OR5T1: variants seen among roughly 807,000 people sequenced by gnomAD.
The protein encoded by OR5T1 is olfactory receptor family 5 subfamily T member 1, also known as olfactory receptor 5T1.
In OR5T1, 14 loss-of-function variants were observed where a neutral mutation model predicts 10.1. That is an observed-to-expected ratio of 1.39 (90% CI 0.92 to 2.18). The LOEUF is 2.18. Ranked by LOEUF, OR5T1 falls within the 30% of genes most tolerant of loss-of-function variation. OR5T1 has a pLI of 0.00. For missense variants in OR5T1, 461 were observed against 383.9 expected (o/e 1.20, Z -1.68); for synonymous variants, 166 against 141.2 (o/e 1.18, Z -1.24).
In OR5T1 at chr11:56,275,715, T is replaced by G. The variant is rs1325294997; in HGVS notation, c.77T>G (p.Leu26Ter). The stretch of plus-strand genomic sequence containing the variant: ...TTTACTGAAGTCACCATGTTTATAT[T>G]AATAAGCTTCACAGAAGAATTTGAT... Reference protein sequence around the residue: ...NNFTEVTMFILISFTEEFDVQ... With the variant: ...NNFTEVTMFI The change falls in exon 3 of 3, where the codon TTA (leucine) becomes TGA (stop). Residue 26 changes from leucine to a stop codon, truncating the protein, a stop_gained. Coordinates refer to ENST00000641665, the MANE Select transcript of OR5T1 (RefSeq NM_001004745.2). LOFTEE classifies it high-confidence loss of function. 2 of 1,609,176 alleles carry G rather than the reference T, an allele frequency of 1.2e-6. No homozygotes were observed. The highest frequency in any genetic ancestry group is 1.7e-6 in the Non-Finnish European group (2 of 1,175,960).
rs1175683570 is a variant in OR5T1 at position 56,276,382 on chromosome 11, A to G, written c.744A>G (p.Lys248=). 2.5e-6 allele frequency: 4 copies of G among 1,613,962 alleles called. No individual in the cohort carries two copies. The African/African-American group carries it at 5.3e-5, about 22-fold the overall frequency. The change falls in exon 3 of 3, where the codon AAA becomes AAG. Residue 248 remains lysine, a synonymous_variant. Coordinates refer to ENST00000641665, the MANE Select transcript of OR5T1 (RefSeq NM_001004745.2). ...TGCAGTCTGCTGAAGGGAGGAGAAA[A>G]GTCTTCTCTACATGTGGAGCTCACC... ...LKMQSAEGRR[K]VFSTCGAHLT...
Position 56,276,361 on chromosome 11 carries a change from G to A in OR5T1, c.723G>A (p.Gln241=). 1 of 1,614,124 alleles carries A rather than the reference G, an allele frequency of 6.2e-7. No individual in the cohort carries two copies. The highest frequency in any genetic ancestry group is 8.5e-7 in the Non-Finnish European group (1 of 1,180,022). ...GFILLAILKM[Q]SAEGRRKVFS... is the part of the protein sequence containing the mutation. ...TTCTGTTGGCCATTCTGAAGATGCAGTCTGCTGAAGGGAGGAGAAAAGTCT... is the reference window on the plus strand; with the variant it reads ...TTCTGTTGGCCATTCTGAAGATGCAATCTGCTGAAGGGAGGAGAAAAGTCT... Residue 241 remains glutamine, a synonymous_variant, in exon 3 of 3, where the codon CAG becomes CAA. Transcript: ENST00000641665.
Position 56,275,551 on chromosome 11 carries a change from C to G in OR5T1, c.-88C>G, listed in dbSNP as rs1034850551. On this transcript the variant is annotated 5_prime_UTR_variant, in exon 3 of 3. Transcript: ENST00000641665. Reference sequence around the variant, plus strand: ...ATTTGCTGACAAGGATTTCATCTTGCTTTTCCAAGAAACGAACATGAGGAT... The same window carrying G: ...ATTTGCTGACAAGGATTTCATCTTGGTTTTCCAAGAAACGAACATGAGGAT... The G allele has an allele frequency of 5.4e-6, 6 of 1,107,156 alleles. No homozygotes were observed. Among genetic ancestry groups the G allele is most frequent in the Non-Finnish European group, 7.7e-6 (6 of 777,882 alleles). 68.6% of individuals were successfully genotyped at this position (1,107,156 alleles called of 1,614,324 possible).
Position 56,276,519 on chromosome 11 carries a change from T to C in OR5T1, c.881T>C (p.Ile294Thr), listed in dbSNP as rs764686951. 2.5e-6 allele frequency: 4 copies of C among 1,613,936 alleles called. No homozygotes were observed. In the South Asian group the frequency reaches 3.3e-5, roughly 13 times the overall value. Residue 294 changes from isoleucine to threonine, a missense_variant, in exon 3 of 3, where the codon ATT becomes ACT. Coordinates refer to ENST00000641665, the MANE Select transcript of OR5T1 (RefSeq NM_001004745.2). ...GTGTCAATATTTTATACCATTGTGA[T>C]TCCCATGCTGAATCCCATCATCTAC... is the stretch of plus-strand genomic sequence containing the variant. The part of the protein sequence containing the change: ...MIVSIFYTIV[I>T]PMLNPIIYSL...
intron 1 of OR5T1, 114 bp from the exon 2 acceptor site, chr11:56,274,522 A>G (rs964107342): frequency 6.6e-6 from 1 of 152,214 alleles, no homozygotes; most frequent in Non-Finnish European, 1.5e-5. Context: ...TAATGACCAA[A>G]TGATCATATA....
chr11:56,275,315 C>A (rs1255899242), intron 2 of OR5T1, among the ~76,000 whole-genome samples, 171 bp from the exon 3 acceptor site: 1 of 152,176 alleles, frequency 6.6e-6, no homozygotes, highest in African/African-American at 2.4e-5. Flanking sequence ...CTTCCTATGT[C>A]CATGTGTTCT....
rs777567703 is a variant in OR5T1, at chr11:56,276,570, A to G, written c.932A>G (p.Glu311Gly). 1 of 1,611,978 alleles carries G rather than the reference A, an allele frequency of 6.2e-7. No homozygotes were observed. Residue 311 changes from glutamate to glycine, a missense_variant, in exon 3 of 3, where the codon GAG becomes GGG. Physicochemically the swap from Glu to Gly is moderately conservative, Grantham distance 98. Transcript: ENST00000641665. ...IYSLRNKDVKEAIKRLLVRNW... is the reference protein window; with the variant it reads ...IYSLRNKDVKGAIKRLLVRNW... ...AGTTTGCGGAACAAAGATGTAAAGG[A>G]GGCAATCAAAAGATTGCTTGTGAGA...
Position 56,276,328 on chromosome 11 carries a change from T to A in OR5T1, c.690T>A (p.Tyr230Ter). The A allele has an allele frequency of 1.9e-6, 3 of 1,614,128 alleles. No individual in the cohort carries two copies. The highest frequency in any genetic ancestry group is 1.7e-6 in the Non-Finnish European group (2 of 1,180,016). ...IVTILIVLIS[Y>*]GFILLAILKM... ...CTATCCTGATTGTCCTGATCTCCTA[T>A]GGTTTTATTCTGTTGGCCATTCTGA... Residue 230 changes from tyrosine to a stop codon, truncating the protein, a stop_gained, in exon 3 of 3, where the codon TAT (tyrosine) becomes TAA (stop). Coordinates refer to ENST00000641665, the MANE Select transcript of OR5T1 (RefSeq NM_001004745.2). LOFTEE classifies it low-confidence loss of function (END_TRUNC).
rs145314711 is a variant in OR5T1 at position 56,275,818 on chromosome 11, G to A, written c.180G>A (p.Pro60=). ...TAGGCAATTTAGGGCTGGTTGTACC[G>A]ATCATTGGGGATTTCTGGCTTCACA... ...TLIGNLGLVV[P]IIGDFWLHSP... Residue 60 remains proline (P), a synonymous_variant, in exon 3 of 3, where the codon CCG becomes CCA. Coordinates refer to ENST00000641665, the MANE Select transcript of OR5T1 (RefSeq NM_001004745.2). 1.4e-5 allele frequency: 22 copies of A among 1,613,230 alleles called. No individual in the cohort carries two copies. The highest frequency in any genetic ancestry group is 4.5e-5 in the East Asian group (2 of 44,870).
chr11:56,275,797 C>T lies in OR5T1; in HGVS notation c.159C>T (p.Gly53=). The change falls in exon 3 of 3, where the codon GGC becomes GGT. Residue 53 remains glycine, a synonymous_variant. Transcript: ENST00000641665. ...CAATCTATCTATTCACTCTAATAGG[C>T]AATTTAGGGCTGGTTGTACCGATCA... ...FLAIYLFTLI[G]NLGLVVPIIG... 1.9e-6 allele frequency: 3 copies of T among 1,612,816 alleles called. No individual in the cohort carries two copies. Among genetic ancestry groups the T allele is most frequent in the South Asian group, 2.2e-5 (2 of 91,040 alleles).
rs1213127871 is a variant in OR5T1, at chr11:56,276,724, A to C, written c.*105A>C. 9.2e-6 allele frequency: 7 copies of C among 756,930 alleles called. No individual in the cohort carries two copies. In the Admixed American group the frequency reaches 1.7e-4, roughly 18 times the overall value. The allele number at this position is 756,930 out of a possible 1,614,324, so 46.9% of individuals were successfully genotyped here. A position where few individuals can be genotyped will look rare whatever the true frequency, so the allele number is the denominator to read the frequency against. Reference sequence around the variant, plus strand: ...GTTTCTTTTAGTTAACAGTGCTTGTAACTTCTAGAATATTTTCAAATAAAG... The same window carrying C: ...GTTTCTTTTAGTTAACAGTGCTTGTCACTTCTAGAATATTTTCAAATAAAG... On this transcript the variant is annotated 3_prime_UTR_variant, in exon 3 of 3. Coordinates refer to ENST00000641665, the MANE Select transcript of OR5T1 (RefSeq NM_001004745.2).
rs987980466 is a variant in OR5T1, at chr11:56,276,760, C to G, written c.*141C>G. ...TATTTTCAAATAAAGCATCAATCAGCCTACTAATTCACCATTTTAGAAATA... is the reference window on the plus strand; with the variant it reads ...TATTTTCAAATAAAGCATCAATCAGGCTACTAATTCACCATTTTAGAAATA... On this transcript the variant is annotated 3_prime_UTR_variant, in exon 3 of 3. Coordinates refer to ENST00000641665, the MANE Select transcript of OR5T1 (RefSeq NM_001004745.2). The G allele has an allele frequency of 3.2e-6, 2 of 627,288 alleles. No homozygotes were observed. The highest frequency in any genetic ancestry group is 3.7e-5 in the African/African-American group (2 of 54,288). The allele number at this position is 627,288 out of a possible 1,614,324, so 38.9% of individuals were successfully genotyped here.
Position 56,276,232 on chromosome 11 carries a change from T to C in OR5T1, c.594T>C (p.Ala198=). 1 of 1,614,138 alleles carries C rather than the reference T, an allele frequency of 6.2e-7. No individual in the cohort carries two copies. Among genetic ancestry groups the C allele is most frequent in the Non-Finnish European group, 8.5e-7 (1 of 1,180,018 alleles). ...HVFCNMPPLL[A]ISCSDTHVIQ... ...TTTGTAATATGCCTCCTCTGCTTGC[T>C]ATTTCTTGTTCTGACACTCACGTAA... Residue 198 remains alanine (A), a synonymous_variant, in exon 3 of 3, where the codon GCT becomes GCC. Coordinates refer to ENST00000641665, the MANE Select transcript of OR5T1 (RefSeq NM_001004745.2).
intron 2 of OR5T1, among the ~76,000 whole-genome samples, chr11:56,275,016 C>G (rs566738857): frequency 6.6e-6 from 1 of 151,920 alleles, no homozygotes; most frequent in South Asian, 2.1e-4. Context: ...TTTAGAAAAC[C>G]TAGGAATAGC....
rs776461485 is a variant in OR5T1 at position 56,275,624 on chromosome 11, T to C, written c.-15T>C. The C allele has an allele frequency of 3.2e-6, 5 of 1,541,772 alleles. No homozygotes were observed. Among genetic ancestry groups the C allele is most frequent in the Non-Finnish European group, 4.4e-6 (5 of 1,148,846 alleles). ...CACAGGCTGTTGCATTTAGTACATATAAACAATAGCTAAAATGTCAGGGTT... is the reference window on the plus strand; with the variant it reads ...CACAGGCTGTTGCATTTAGTACATACAAACAATAGCTAAAATGTCAGGGTT... On this transcript the variant is annotated 5_prime_UTR_variant, in exon 3 of 3. Transcript: ENST00000641665.
In OR5T1 at chr11:56,276,540, T is replaced by C. The variant is rs1464737239; in HGVS notation, c.902T>C (p.Ile301Thr). ...GTGATTCCCATGCTGAATCCCATCATCTACAGTTTGCGGAACAAAGATGTA... is the reference window on the plus strand; with the variant it reads ...GTGATTCCCATGCTGAATCCCATCACCTACAGTTTGCGGAACAAAGATGTA... ...TIVIPMLNPI[I>T]YSLRNKDVKE... Residue 301 changes from isoleucine to threonine, a missense_variant, in exon 3 of 3, where the codon ATC becomes ACC. Coordinates refer to ENST00000641665, the MANE Select transcript of OR5T1 (RefSeq NM_001004745.2). 3 of 1,613,228 alleles carry C rather than the reference T, an allele frequency of 1.9e-6. No individual in the cohort carries two copies. The highest frequency in any genetic ancestry group is 1.1e-5 in the South Asian group (1 of 91,048).
rs1320123425 is a variant in OR5T1 at position 56,274,915 on chromosome 11, T to C, written c.-154+162T>C. ...TAAATATTAAATAACTTACATACTG[T>C]TTTTCCCATTTAAATACAACCCACT... On this transcript the variant is annotated intron_variant, in intron 2 of 2. Transcript: ENST00000641665. Among the ~76,000 whole-genome samples, 5 of 152,316 alleles carry C rather than the reference T, an allele frequency of 3.3e-5. No individual in the cohort carries two copies. In the South Asian group the frequency reaches 6.2e-4, roughly 19 times the overall value.
At position 56,275,943 on chromosome 11, in the gene OR5T1, A is replaced by C; in HGVS notation, c.305A>C (p.Lys102Thr). The C allele has an allele frequency of 6.2e-7, 1 of 1,614,174 alleles. No homozygotes were observed. The highest frequency in any genetic ancestry group is 8.5e-7 in the Non-Finnish European group (1 of 1,180,034). The change falls in exon 3 of 3, where the codon AAA (lysine) becomes ACA (threonine). Residue 102 changes from lysine (K) to threonine (T), a missense_variant. Coordinates refer to ENST00000641665, the MANE Select transcript of OR5T1 (RefSeq NM_001004745.2). ...TTGGTCAATTTCCTGGCAAAAAATA[A>C]ATCTATTTCATTTCTTGGATGTGCA... ...KMLVNFLAKN[K>T]SISFLGCATQ...
At chr11:56,274,394 G>A (rs539783374) in intron 1 of OR5T1, among the ~76,000 whole-genome samples, 57 of 152,198 alleles carry the variant, frequency 3.7e-4, no homozygotes, top group African/African-American at 1.3e-3. Context: ...CTTGTTATTG[G>A]ATGGTATTTA....
Sources: allele counts gnomAD v4.1 joint callset (sites outside exome capture counted in the v4.1 genomes callset), GRCh38; gene constraint gnomAD v4.1.1; transcripts MANE v1.5; gene names NCBI Gene and HGNC (gene_info 2026-07-23, HGNC 2026-07-21).